TRDN: variants seen among roughly 807,000 people sequenced by gnomAD.
TRDN encodes the protein triadin in skeletal muscle.
Under a neutral mutation model 149.7 loss-of-function variants are expected in TRDN, and 161 were observed. That is an observed-to-expected ratio of 1.08 (90% CI 0.95 to 1.23). The LOEUF is 1.23. Ranked by LOEUF, TRDN falls within the 50% of genes most tolerant of loss-of-function variation. The pLI is 0.00. For missense variants in TRDN, 896 were observed against 823.5 expected (o/e 1.09, Z -1.08); for synonymous variants, 294 against 250.5 (o/e 1.17, Z -1.64).
intron 4 of TRDN, among the ~76,000 whole-genome samples, chr6:123,541,208 G>A (rs1023828946): frequency 6.6e-6 from 1 of 152,176 alleles, no homozygotes; most frequent in Non-Finnish European, 1.5e-5. Context: ...TTGGGCCTGA[G>A]TTGAGTTGCC....
At chr6:123,593,611 G>T (rs905455812) in intron 1 of TRDN, among the ~76,000 whole-genome samples, 1 of 152,196 alleles carries the variant, frequency 6.6e-6, no homozygotes, top group Non-Finnish European at 1.5e-5. Flanking sequence ...CTGGCTTCAT[G>T]TTAACATGGC....
intron 24 of TRDN, among the ~76,000 whole-genome samples, chr6:123,311,737 T>C (rs571832728): frequency 5.9e-5 from 9 of 152,030 alleles, no homozygotes; most frequent in Non-Finnish European, 1.2e-4. Context: ...AATTGTATTA[T>C]TGAAGATGTC....
chr6:123,526,364 G>C (rs1174774649), intron 5 of TRDN, among the ~76,000 whole-genome samples: 1 of 151,858 alleles, frequency 6.6e-6, no homozygotes. Context: ...CTAACCACAG[G>C]GTTTCAGAGA....
chr6:123,414,251 T>G (rs1379326681), intron 12 of TRDN, among the ~76,000 whole-genome samples: 1 of 152,142 alleles, frequency 6.6e-6, no homozygotes, highest in African/African-American at 2.4e-5. Context: ...AAATCCTTTC[T>G]ATTGAGATTT....
intron 9 of TRDN, among the ~76,000 whole-genome samples, chr6:123,473,349 G>T (rs1289068815): frequency 1.7e-4 from 26 of 152,070 alleles, no homozygotes; most frequent in Non-Finnish European, 3.2e-4. Context: ...TATCAGCAAT[G>T]GAAGATGAAA....
intron 38 of TRDN, among the ~76,000 whole-genome samples, chr6:123,248,398 C>A (rs9388202): frequency 0.82 from 124,086 of 151,820 alleles, 51,194 homozygotes; most frequent in African/African-American, 0.9. Flanking sequence ...CTCTACTGAA[C>A]ATACAAAAAT....
chr6:123,319,816 G>C (rs539203891), intron 23 of TRDN, among the ~76,000 whole-genome samples: 1 of 152,188 alleles, frequency 6.6e-6, no homozygotes, highest in Admixed American at 6.6e-5. Flanking sequence ...ATGCAGCACT[G>C]ACTTTTCCAG....
intron 2 of TRDN, among the ~76,000 whole-genome samples, chr6:123,551,072 A>G (rs144482417): frequency 5.3e-4 from 81 of 151,640 alleles, no homozygotes; most frequent in African/African-American, 1.8e-3. Context: ...TTTTATGATG[A>G]GAATAGATTG....
chr6:123,520,358 C>T (rs555462651), intron 5 of TRDN, among the ~76,000 whole-genome samples: 27 of 152,074 alleles, frequency 1.8e-4, no homozygotes, highest in Non-Finnish European at 2.9e-4. Flanking sequence ...AGAAAATATG[C>T]TCATAAGAGT....
chr6:123,533,370 A>G (rs1780344916), intron 4 of TRDN, among the ~76,000 whole-genome samples: 1 of 152,114 alleles, frequency 6.6e-6, no homozygotes. Flanking sequence ...GACGTGGGTT[A>G]GACTCTTCCA....
In TRDN at chr6:123,586,805, G is replaced by A. The variant is rs573463612; in HGVS notation, c.23-15673C>T. Among the ~76,000 whole-genome samples, 8 of 152,160 alleles carry A rather than the reference G, an allele frequency of 5.3e-5. No homozygotes were observed. In the South Asian group the frequency reaches 8.3e-4, roughly 16 times the overall value. ...AGAAAAGAGAGAGTAGAGACATGGA[G>A]GGAAGGGGTTTGGGGGTTCTTACCC... On this transcript the variant is annotated intron_variant, in intron 1 of 40. Coordinates refer to ENST00000334268, the MANE Select transcript of TRDN (RefSeq NM_006073.4).
intron 1 of TRDN, among the ~76,000 whole-genome samples, chr6:123,610,678 A>G (rs1784763895): frequency 6.6e-6 from 1 of 152,176 alleles, no homozygotes; most frequent in East Asian, 1.9e-4. Flanking sequence ...CGACAGTTGG[A>G]CTATGAGTAG....
At chr6:123,606,748 G>A (rs1402100040) in intron 1 of TRDN, among the ~76,000 whole-genome samples, 1 of 151,920 alleles carries the variant, frequency 6.6e-6, no homozygotes, top group Admixed American at 6.6e-5. Context: ...TTATTATGTA[G>A]CAATTTTCAA....
At chr6:123,440,769 T>C (rs1185509745) in intron 10 of TRDN, among the ~76,000 whole-genome samples, 2 of 152,218 alleles carry the variant, frequency 1.3e-5, no homozygotes, top group Non-Finnish European at 2.9e-5. Context: ...AAAGTAGATA[T>C]TTGAACCCAG....
At chr6:123,298,702 A>T (rs1222169975) in intron 24 of TRDN, among the ~76,000 whole-genome samples, 1 of 152,076 alleles carries the variant, frequency 6.6e-6, no homozygotes, top group Admixed American at 6.6e-5. Flanking sequence ...AGAAATTTAC[A>T]CTCCAAATAC....
chr6:123,505,235 ACT>A (rs1249888114), intron 7 of TRDN, among the ~76,000 whole-genome samples: 2 of 137,394 alleles, frequency 1.5e-5, no homozygotes, highest in Non-Finnish European at 3.1e-5. Context: ...CAAGAGCAAA[ACT>A]CTGTCTCAAA....
At chr6:123,565,718 G>C (rs1228369350) in intron 2 of TRDN, among the ~76,000 whole-genome samples, 1 of 152,192 alleles carries the variant, frequency 6.6e-6, no homozygotes, top group Non-Finnish European at 1.5e-5. Context: ...AGCTGCCCTT[G>C]TTGTGTGGCA....
intron 2 of TRDN, among the ~76,000 whole-genome samples, chr6:123,565,751 A>T (rs1223163791): frequency 3.3e-5 from 5 of 152,208 alleles, no homozygotes; most frequent in Admixed American, 3.3e-4. Flanking sequence ...TCTCCAGCGC[A>T]CACTGGGCTG....
chr6:123,585,037 A>G (rs9401685), intron 1 of TRDN, among the ~76,000 whole-genome samples: 17,798 of 150,520 alleles, frequency 0.12, 1,163 homozygotes, highest in African/African-American at 0.17. Flanking sequence ...GGGATGGGAT[A>G]TTGGCATTGA....
Sources: gnomAD v4.1 joint callset for allele counts (sites outside exome capture counted in the v4.1 genomes callset) on GRCh38, gnomAD v4.1.1 for gene constraint, MANE v1.5 for transcripts, NCBI Gene and HGNC (gene_info 2026-07-23, HGNC 2026-07-21) for gene names.